The following STXBP5L variants were observed in gnomAD, a reference collection of about 807,000 sequenced individuals.
STXBP5L encodes syntaxin-binding protein 5-like.
In STXBP5L, 65 loss-of-function variants were observed where a neutral mutation model predicts 144.5. The observed-to-expected ratio is 0.45, with a 90% CI of 0.37 to 0.55. The LOEUF (loss-of-function observed/expected upper bound fraction) is 0.55, where lower values mean the gene tolerates loss of function less well. STXBP5L is among the 20% of genes least tolerant of loss of function. STXBP5L has a pLI of 0.00. For synonymous variants in STXBP5L, 505 were observed against 469.6 expected (o/e 1.08, Z -0.97); for missense variants, 1,298 against 1,405.5 (o/e 0.92, Z 1.22).
intron 19 of STXBP5L, among the ~76,000 whole-genome samples, chr3:121,309,685 T>G (rs1387389627): frequency 6.6e-6 from 1 of 152,094 alleles, no homozygotes; most frequent in African/African-American, 2.4e-5. Context: ...ATTTAAAAAA[T>G]TATTTAAATG....
chr3:121,330,987 C>T (rs566818581), intron 20 of STXBP5L, among the ~76,000 whole-genome samples: 2 of 152,284 alleles, frequency 1.3e-5, no homozygotes, highest in East Asian at 3.9e-4. Context: ...TGCCTGGATC[C>T]CTTGCAGACA....
chr3:121,099,249 T>C (rs1031358400), intron 5 of STXBP5L: 3 of 152,172 alleles, frequency 2.0e-5, no homozygotes, highest in Non-Finnish European at 4.4e-5. Flanking sequence ...TTTTATGATA[T>C]GACTATGGAG....
At chr3:120,967,364 C>T (rs917396682) in intron 3 of STXBP5L, among the ~76,000 whole-genome samples, 27 of 152,252 alleles carry the variant, frequency 1.8e-4, no homozygotes, top group African/African-American at 6.0e-4. Context: ...ATGCAGAAAT[C>T]ACCCATCTTC....
At chr3:121,103,353 C>A (rs898332927) in intron 5 of STXBP5L, among the ~76,000 whole-genome samples, 2 of 152,116 alleles carry the variant, frequency 1.3e-5, no homozygotes, top group Admixed American at 6.6e-5. Context: ...GAGTATTATG[C>A]AGCCATAAAG....
intron 20 of STXBP5L, among the ~76,000 whole-genome samples, chr3:121,342,599 TG>T (rs2044760089): frequency 6.6e-6 from 1 of 151,140 alleles, no homozygotes; most frequent in South Asian, 2.1e-4. Flanking sequence ...ATGCAGTGTT[TG>T]GTTTTTTGTT....
intron 3 of STXBP5L, among the ~76,000 whole-genome samples, chr3:120,966,767 G>T (rs891117081): frequency 2.6e-5 from 4 of 152,158 alleles, no homozygotes; most frequent in African/African-American, 4.8e-5. Flanking sequence ...GGACCCACTT[G>T]AGGAGGCAGT....
chr3:121,031,999 A>T (rs879908954), intron 3 of STXBP5L, among the ~76,000 whole-genome samples: 1 of 152,122 alleles, frequency 6.6e-6, no homozygotes, highest in African/African-American at 2.4e-5. Flanking sequence ...CGTGCTAAGT[A>T]TAAGATTTTT....
At chr3:121,062,598 G>T (rs1345444566) in intron 5 of STXBP5L, among the ~76,000 whole-genome samples, 1 of 152,202 alleles carries the variant, frequency 6.6e-6, no homozygotes, top group East Asian at 1.9e-4. Context: ...ATACTGAAGA[G>T]TGTTTTCCAA....
intron 3 of STXBP5L, among the ~76,000 whole-genome samples, chr3:120,958,004 C>A (rs1315225388): frequency 6.6e-6 from 1 of 151,996 alleles, no homozygotes; most frequent in Non-Finnish European, 1.5e-5. Context: ...AATTGATAGA[C>A]CGCTAGCAAG....
chr3:120,927,217 G>A (rs1307022254), intron 2 of STXBP5L, among the ~76,000 whole-genome samples: 1 of 152,140 alleles, frequency 6.6e-6, no homozygotes, highest in African/African-American at 2.4e-5. Flanking sequence ...TTACAGGTGT[G>A]AGCCACTACG....
At chr3:121,211,915 G>T (rs907456144) in intron 10 of STXBP5L, among the ~76,000 whole-genome samples, 18 of 152,058 alleles carry the variant, frequency 1.2e-4, no homozygotes, top group Non-Finnish European at 1.9e-4. Context: ...ATTCTAACTG[G>T]CATGAGATTG....
intron 20 of STXBP5L, among the ~76,000 whole-genome samples, chr3:121,371,500 G>A (rs2046026765): frequency 6.6e-6 from 1 of 152,238 alleles, no homozygotes; most frequent in African/African-American, 2.4e-5. Context: ...ATTTGCACAT[G>A]CTAGCAGCAG....
At chr3:121,189,287 G>T (rs2047533152) in intron 9 of STXBP5L, among the ~76,000 whole-genome samples, 1 of 152,174 alleles carries the variant, frequency 6.6e-6, no homozygotes, top group Non-Finnish European at 1.5e-5. Context: ...TAAACATGAA[G>T]TCCTTGCCCA....
At chr3:121,342,420 A>T (rs1004135381) in intron 20 of STXBP5L, among the ~76,000 whole-genome samples, 1 of 151,840 alleles carries the variant, frequency 6.6e-6, no homozygotes. Context: ...ATATGTATAC[A>T]TGTGCCATGC....
At chr3:121,345,623 A>G (rs1298958052) in intron 20 of STXBP5L, among the ~76,000 whole-genome samples, 1 of 151,942 alleles carries the variant, frequency 6.6e-6, no homozygotes. Context: ...ACACTCCCAC[A>G]AACAGTGTAA....
chr3:120,926,490 T>C (rs1384662283), intron 2 of STXBP5L, among the ~76,000 whole-genome samples: 1 of 152,164 alleles, frequency 6.6e-6, no homozygotes, highest in South Asian at 2.1e-4. Flanking sequence ...CTCTCTGTCT[T>C]TGACTATTGA....
At chr3:121,361,919 A>G (rs575864024) in intron 20 of STXBP5L, among the ~76,000 whole-genome samples, 3 of 152,088 alleles carry the variant, frequency 2.0e-5, no homozygotes, top group Non-Finnish European at 4.4e-5. Flanking sequence ...GTTGGGTCTT[A>G]TTTGTATCCA....
At chr3:121,050,532 G>C (rs532500660) in intron 5 of STXBP5L, among the ~76,000 whole-genome samples, 1 of 152,026 alleles carries the variant, frequency 6.6e-6, no homozygotes, top group Non-Finnish European at 1.5e-5. Flanking sequence ...ACAAGCAAAT[G>C]CTGAGAGATT....
chr3:120,964,093 G>A (rs1434701538), intron 3 of STXBP5L, among the ~76,000 whole-genome samples: 1 of 151,994 alleles, frequency 6.6e-6, no homozygotes, highest in Non-Finnish European at 1.5e-5. Context: ...ATGGTAGTTT[G>A]TATTTCTGCA....
Sources: gnomAD v4.1 joint callset for allele counts (sites outside exome capture counted in the v4.1 genomes callset) on GRCh38, gnomAD v4.1.1 for gene constraint, MANE v1.5 for transcripts, NCBI Gene and HGNC (gene_info 2026-07-23, HGNC 2026-07-21) for gene names.